The following SLC39A11 variants were observed in gnomAD, a reference collection of about 807,000 sequenced individuals.
SLC39A11 encodes the protein zinc transporter ZIP11.
In SLC39A11, 33 loss-of-function variants were observed where a neutral mutation model predicts 36.1. The observed-to-expected ratio is 0.91, with a 90% CI of 0.69 to 1.22. The LOEUF (loss-of-function observed/expected upper bound fraction) is 1.22. Among genes scored for constraint, SLC39A11 ranks in the 50% most tolerant of loss-of-function variants. The pLI is 0.00. For missense variants in SLC39A11, 432 were observed against 430.3 expected (o/e 1.00, Z -0.03); for synonymous variants, 166 against 170.3 (o/e 0.97, Z 0.20).
chr17:72,687,779 C>G (rs2071828156), intron 7 of SLC39A11, among the ~76,000 whole-genome samples: 1 of 152,222 alleles, frequency 6.6e-6, no homozygotes, highest in Non-Finnish European at 1.5e-5. Flanking sequence ...CAAGCATATG[C>G]CAAGACCCGG....
intron 5 of SLC39A11, among the ~76,000 whole-genome samples, chr17:72,853,394 A>C (rs1473204590): frequency 6.6e-6 from 1 of 152,042 alleles, no homozygotes; most frequent in Non-Finnish European, 1.5e-5. Flanking sequence ...CTCAAATCTA[A>C]GGGGCTAAAC....
chr17:72,980,485 T>C (rs1443692976), intron 4 of SLC39A11, among the ~76,000 whole-genome samples: 1 of 152,198 alleles, frequency 6.6e-6, no homozygotes, highest in African/African-American at 2.4e-5. Context: ...CCTACGTTAA[T>C]GTAGAAATTT....
At chr17:72,717,941 C>G (rs1459400552) in intron 7 of SLC39A11, among the ~76,000 whole-genome samples, 2 of 152,196 alleles carry the variant, frequency 1.3e-5, no homozygotes, top group Non-Finnish European at 2.9e-5. Context: ...CTTCTTTCCC[C>G]CTTCCTGCCC....
intron 6 of SLC39A11, among the ~76,000 whole-genome samples, chr17:72,767,166 T>G (rs2075786230): frequency 6.6e-6 from 1 of 152,254 alleles, no homozygotes; most frequent in African/African-American, 2.4e-5. Context: ...AGCTGCTTTT[T>G]GTGTTTCTTT....
At chr17:72,903,991 C>G (rs1236277216) in intron 5 of SLC39A11, among the ~76,000 whole-genome samples, 2 of 152,202 alleles carry the variant, frequency 1.3e-5, no homozygotes, top group Non-Finnish European at 2.9e-5. Context: ...AGATGCTGGT[C>G]ACTCACTCCA....
intron 4 of SLC39A11, among the ~76,000 whole-genome samples, chr17:72,953,583 G>A (rs2086022379): frequency 6.6e-6 from 1 of 152,200 alleles, no homozygotes. Context: ...CAAGTCACCT[G>A]AGAAACAGGC....
chr17:72,868,157 T>A (rs2080405898), intron 5 of SLC39A11, among the ~76,000 whole-genome samples: 1 of 152,364 alleles, frequency 6.6e-6, no homozygotes, highest in Non-Finnish European at 1.5e-5. Context: ...AGTTTTTATG[T>A]GCCTAAATTT....
At chr17:72,921,047 G>C (rs2083640747) in intron 5 of SLC39A11, among the ~76,000 whole-genome samples, 1 of 152,238 alleles carries the variant, frequency 6.6e-6, no homozygotes, top group East Asian at 1.9e-4. Context: ...TCTTATTCTT[G>C]CATTTGTTTG....
At chr17:72,719,587 T>G (rs925463295) in intron 7 of SLC39A11, among the ~76,000 whole-genome samples, 1 of 152,202 alleles carries the variant, frequency 6.6e-6, no homozygotes, top group African/African-American at 2.4e-5. Flanking sequence ...TAACAAGCTG[T>G]TGGGGAGGAC....
chr17:72,953,066 G>A (rs539391640), intron 4 of SLC39A11, among the ~76,000 whole-genome samples: 6 of 152,016 alleles, frequency 3.9e-5, no homozygotes, highest in South Asian at 4.2e-4. Flanking sequence ...CCTTCTTCCC[G>A]CATCCCCACC....
At chr17:72,836,398 C>T (rs1045124079) in intron 6 of SLC39A11, among the ~76,000 whole-genome samples, 2 of 151,258 alleles carry the variant, frequency 1.3e-5, no homozygotes, top group South Asian at 2.1e-4. Context: ...TGGAGTGCAG[C>T]GGCACGATCT....
At chr17:72,817,087 G>A (rs1254524502) in intron 6 of SLC39A11, among the ~76,000 whole-genome samples, 1 of 116,794 alleles carries the variant, frequency 8.6e-6, no homozygotes, top group Non-Finnish European at 1.9e-5. Context: ...CAGTCCATTT[G>A]TGTTGATATA....
chr17:72,658,343 G>A (rs1223890124), intron 7 of SLC39A11, among the ~76,000 whole-genome samples: 2 of 152,170 alleles, frequency 1.3e-5, no homozygotes, highest in Non-Finnish European at 2.9e-5. Flanking sequence ...GAGGCTGAGG[G>A]CCAATGGCCA....
intron 6 of SLC39A11, among the ~76,000 whole-genome samples, chr17:72,816,683 A>C (rs2077595186): frequency 6.6e-6 from 1 of 152,110 alleles, no homozygotes; most frequent in Non-Finnish European, 1.5e-5. Context: ...CAACAAACCC[A>C]AGCTCTCCCA....
chr17:72,930,550 ATCT>A (rs1456225261), intron 5 of SLC39A11, among the ~76,000 whole-genome samples: 1 of 152,176 alleles, frequency 6.6e-6, no homozygotes, highest in Non-Finnish European at 1.5e-5. Context: ...AAGATGGCAA[ATCT>A]TCTTTACTCC....
At chr17:72,753,166 G>A (rs1324565030) in intron 6 of SLC39A11, among the ~76,000 whole-genome samples, 6 of 152,138 alleles carry the variant, frequency 3.9e-5, no homozygotes, top group Non-Finnish European at 7.4e-5. Flanking sequence ...TCAGAGTTTT[G>A]AGATTCATCA....
intron 7 of SLC39A11, among the ~76,000 whole-genome samples, chr17:72,687,961 G>A (rs1368645550): frequency 6.6e-6 from 1 of 152,180 alleles, no homozygotes; most frequent in Non-Finnish European, 1.5e-5. Flanking sequence ...CCCACTGACA[G>A]CCAACGACAC....
intron 6 of SLC39A11, among the ~76,000 whole-genome samples, chr17:72,759,677 CAT>C (rs575620464): frequency 1.2e-3 from 179 of 152,016 alleles, no homozygotes; most frequent in Non-Finnish European, 1.7e-3. Flanking sequence ...CTAGAGGAGA[CAT>C]AAAAAATTCA....
chr17:72,670,407 A>C (rs1043173639), intron 7 of SLC39A11, among the ~76,000 whole-genome samples: 1 of 151,504 alleles, frequency 6.6e-6, no homozygotes, highest in African/African-American at 2.4e-5. Flanking sequence ...GTTTCTCCTT[A>C]AATTTTCTCA....
Sources: allele counts gnomAD v4.1 joint callset (sites outside exome capture counted in the v4.1 genomes callset), GRCh38; gene constraint gnomAD v4.1.1; transcripts MANE v1.5; gene names NCBI Gene and HGNC (gene_info 2026-07-23, HGNC 2026-07-21).